MID1: variants seen among roughly 807,000 people sequenced by gnomAD.
MID1 encodes the protein E3 ubiquitin-protein ligase Midline-1.
Under a neutral mutation model 40.4 loss-of-function variants are expected in MID1, and 7 were observed. That is an observed-to-expected ratio of 0.17 (90% CI 0.10 to 0.33). The LOEUF (loss-of-function observed/expected upper bound fraction) is 0.33, where lower values mean the gene tolerates loss of function less well. Among genes scored for constraint, MID1 ranks in the 10% least tolerant of loss-of-function variants. The pLI, the probability that MID1 is intolerant of heterozygous loss-of-function variation, is 1.00. For missense variants in MID1, 367 were observed against 558.5 expected (o/e 0.66, Z 3.46); for synonymous variants, 229 against 221.2 (o/e 1.04, Z -0.31).
chrX:10,519,349 C>G (rs1932600734), intron 3 of MID1, among the ~76,000 whole-genome samples: 1 of 111,756 alleles, frequency 8.9e-6, no homozygotes, highest in Non-Finnish European at 1.9e-5. Context: ...ATTAACTTTA[C>G]CCTATAATAA....
chrX:10,460,074 T>C, intron 7 of MID1: 2 of 396,670 alleles, frequency 5.0e-6, no homozygotes, highest in Middle Eastern at 7.2e-4. Context: ...TTCCCTGTCA[T>C]GTGGCTTTGA....
chrX:10,529,351 A>T (rs1932898267), intron 2 of MID1, among the ~76,000 whole-genome samples: 1 of 111,627 alleles, frequency 9.0e-6, no homozygotes, highest in East Asian at 2.8e-4. Context: ...CTAAGATTAC[A>T]TTTTCCAAAA....
chrX:10,671,565 C>T (rs1399592616), intron 1 of MID1, among the ~76,000 whole-genome samples: 1 of 111,264 alleles, frequency 9.0e-6, no homozygotes, highest in African/African-American at 3.3e-5. Context: ...TGTTCTATCC[C>T]CAGGTCCTAG....
chrX:10,509,209 T>A (rs1313420774), intron 3 of MID1, among the ~76,000 whole-genome samples: 1 of 111,462 alleles, frequency 9.0e-6, no homozygotes, highest in Non-Finnish European at 1.9e-5. Context: ...AGCATTTAGA[T>A]GTCTTTTGGT....
intron 1 of MID1, among the ~76,000 whole-genome samples, chrX:10,589,432 A>G (rs957684801): frequency 1.8e-5 from 2 of 111,091 alleles, no homozygotes. Flanking sequence ...CCACGCTTCC[A>G]CTCAAATGGA....
At chrX:10,737,260 G>A (rs762387708) in intron 1 of MID1, among the ~76,000 whole-genome samples, 9 of 112,540 alleles carry the variant, frequency 8.0e-5, no homozygotes, top group Non-Finnish European at 1.5e-4. Flanking sequence ...CTCAATTCTT[G>A]CAAAATTGAT....
At chrX:10,601,773 A>C (rs898469867) in intron 1 of MID1, among the ~76,000 whole-genome samples, 22 of 111,444 alleles carry the variant, frequency 2.0e-4, no homozygotes, top group African/African-American at 6.9e-4. Context: ...TTTTCCAATT[A>C]TTGGGAATGG....
At chrX:10,817,160 G>A (rs1261154359) in intron 1 of MID1, among the ~76,000 whole-genome samples, 1 of 112,244 alleles carries the variant, frequency 8.9e-6, no homozygotes, top group Non-Finnish European at 1.9e-5. Flanking sequence ...AGATATGTGT[G>A]AAGGAAAAAC....
At position 10,528,708 on chromosome X, in the gene MID1, C is replaced by G. The variant is rs188285928; in HGVS notation, c.661-5521G>C. ...CAAAATGATAATATTGTCTGGGCCA[C>G]TGATAAACATCTGCTTCTGTTAAAC... On this transcript the variant is annotated intron_variant, in intron 2 of 9. Transcript: ENST00000317552. 3.6e-5 allele frequency among the ~76,000 whole-genome samples: 4 copies of G among 111,985 alleles called. No individual in the cohort carries two copies. The East Asian group carries it at 1.1e-3, about 31-fold the overall frequency.
intron 1 of MID1, among the ~76,000 whole-genome samples, chrX:10,761,859 G>C (rs1440483777): frequency 1.8e-5 from 2 of 112,109 alleles, no homozygotes; most frequent in African/African-American, 6.5e-5. Flanking sequence ...TTGGTTTACA[G>C]CATTGATTGG....
chrX:10,826,454 A>C (rs2044217397), intron 1 of MID1, among the ~76,000 whole-genome samples: 1 of 112,222 alleles, frequency 8.9e-6, no homozygotes, highest in African/African-American at 3.2e-5. Flanking sequence ...TTTAACTGCA[A>C]AAACCGCGAT....
intron 1 of MID1, among the ~76,000 whole-genome samples, chrX:10,719,603 A>G (rs1447011574): frequency 6.3e-5 from 7 of 111,788 alleles, no homozygotes; most frequent in Admixed American, 3.8e-4. Context: ...AATCAATATC[A>G]TGAAAATGGT....
intron 2 of MID1, among the ~76,000 whole-genome samples, chrX:10,537,535 G>C (rs1347323193): frequency 8.9e-6 from 1 of 111,771 alleles, no homozygotes; most frequent in East Asian, 2.8e-4. Context: ...GAGGACTTTT[G>C]GCCTTCCACA....
At chrX:10,723,222 C>A (rs1369752990) in intron 1 of MID1, among the ~76,000 whole-genome samples, 1 of 111,870 alleles carries the variant, frequency 8.9e-6, no homozygotes, top group African/African-American at 3.2e-5. Flanking sequence ...AACCTGGAGA[C>A]AATTATTTTC....
chrX:10,788,992 A>C lies in MID1; in HGVS notation c.-187+44562T>G, dbSNP rs933398268. 4.5e-5 allele frequency among the ~76,000 whole-genome samples: 5 copies of C among 110,150 alleles called. No individual in the cohort carries two copies. In the South Asian group the frequency reaches 1.1e-3, roughly 25 times the overall value. On this transcript the variant is annotated intron_variant, in intron 1 of 10. Coordinates refer to the MID1 transcript ENST00000380785. ...CCAAAACAAAAACAAAAACAAAAAC[A>C]AAAACCAAAAAACAAAAACAAAGCA...
intron 2 of MID1, among the ~76,000 whole-genome samples, chrX:10,556,703 C>T (rs980983426): frequency 8.9e-5 from 10 of 112,181 alleles, no homozygotes; most frequent in African/African-American, 2.9e-4. Context: ...CTTTTTGATG[C>T]GACATGCAAA....
intron 2 of MID1, chrX:10,565,565 T>C (rs766220506): frequency 3.4e-5 from 11 of 322,175 alleles, no homozygotes; most frequent in South Asian, 3.0e-4. Flanking sequence ...AACAACATGG[T>C]ATGTGTTTTT....
At chrX:10,747,716 A>G (rs2043568461) in intron 1 of MID1, among the ~76,000 whole-genome samples, 1 of 111,923 alleles carries the variant, frequency 8.9e-6, no homozygotes, top group South Asian at 3.7e-4. Flanking sequence ...CCTTGAACTC[A>G]TTTCTGAATG....
chrX:10,817,548 CTTTCTTTCTT>C (rs1289885470), intron 1 of MID1, among the ~76,000 whole-genome samples: 1 of 98,510 alleles, frequency 1.0e-5, no homozygotes, highest in African/African-American at 3.8e-5. Context: ...TTCTTTCTTT[CTTTCTTTCTT>C]TCTTTCTTTC....
Sources: gnomAD v4.1 joint callset for allele counts (sites outside exome capture counted in the v4.1 genomes callset) on GRCh38, gnomAD v4.1.1 for gene constraint, MANE v1.5 for transcripts, NCBI Gene and HGNC (gene_info 2026-07-23, HGNC 2026-07-21) for gene names.